The following SHISA9 variants were observed in gnomAD, a reference collection of about 807,000 sequenced individuals.
SHISA9 encodes the protein shisa family member 9.
In SHISA9, 13 loss-of-function variants were observed where a neutral mutation model predicts 38.0. The ratio of observed to expected loss-of-function variants is 0.34; its 90% CI spans 0.22 to 0.54. The LOEUF is 0.54. Ranked by LOEUF, SHISA9 falls within the 20% of genes least tolerant of loss-of-function variation. The pLI, the probability that SHISA9 is intolerant of heterozygous loss-of-function variation, is 0.91. For synonymous variants in SHISA9, 275 were observed against 242.0 expected (o/e 1.14, Z -1.27); for missense variants, 538 against 575.8 (o/e 0.93, Z 0.67).
In SHISA9 at chr16:13,240,148, G is replaced by C. The variant is rs2051422949; in HGVS notation, c.*4739G>C. 2 of 152,168 alleles carry C rather than the reference G, an allele frequency of 1.3e-5. No individual in the cohort carries two copies. The highest frequency in any genetic ancestry group is 2.9e-5 in the Non-Finnish European group (2 of 68,042). The allele number at this position is 152,168 out of a possible 1,614,324, so 9.4% of individuals were successfully genotyped here. A position where few individuals can be genotyped will look rare whatever the true frequency, so the allele number is the denominator to read the frequency against. ...GTGTCTCAGCCTCCATCTGCCTTGGGCTCCGCCTGGCCTCCCCATCTAACT... is the reference window on the plus strand; with the variant it reads ...GTGTCTCAGCCTCCATCTGCCTTGGCCTCCGCCTGGCCTCCCCATCTAACT... On this transcript the variant is annotated 3_prime_UTR_variant, in exon 5 of 5. Transcript: ENST00000558583.
At chr16:13,244,187 C>G (rs1264883474), downstream of SHISA9, among the ~76,000 whole-genome samples, 1 of 152,050 alleles carries the variant, frequency 6.6e-6, no homozygotes, top group Admixed American at 6.6e-5. Context: ...ACTTTAAATG[C>G]ATAAAATAAA....
chr16:13,352,272 A>G, the SHISA9 span, among the ~76,000 whole-genome samples: 1 of 152,230 alleles, frequency 6.6e-6, no homozygotes, highest in Non-Finnish European at 1.5e-5. Flanking sequence ...CTGGAGCAGA[A>G]ATAAAAATTA....
the SHISA9 span, among the ~76,000 whole-genome samples, chr16:13,321,746 A>G: frequency 6.6e-6 from 1 of 152,164 alleles, no homozygotes; most frequent in East Asian, 1.9e-4. Flanking sequence ...TATAGATGGG[A>G]TTTGTCCATT....
chr16:13,103,469 T>A lies in SHISA9; in HGVS notation c.692-99925T>A, dbSNP rs193097394. 1.9e-3 allele frequency among the ~76,000 whole-genome samples: 294 copies of A among 152,310 alleles called. 2 individuals carry two copies. The highest frequency in any genetic ancestry group is 6.8e-3 in the African/African-American group (284 of 41,566). ...GGTGAGTGGAAAGACCAGGGGCTAA[T>A]GAATGGGAAGAAAGCCAGGGACACA... On this transcript the variant is annotated intron_variant, in intron 2 of 4. Transcript: ENST00000558583.
At chr16:13,273,551 T>G in the SHISA9 span, among the ~76,000 whole-genome samples, 4 of 152,188 alleles carry the variant, frequency 2.6e-5, no homozygotes, top group Non-Finnish European at 4.4e-5. Context: ...CTGCCATGAT[T>G]TTGAGGCCTC....
chr16:12,966,966 TG>T (rs1452928544), intron 2 of SHISA9, among the ~76,000 whole-genome samples: 1 of 152,172 alleles, frequency 6.6e-6, no homozygotes, highest in Non-Finnish European at 1.5e-5. Flanking sequence ...TGCCAGGACT[TG>T]TGATGATCTC....
At chr16:12,972,442 G>A (rs1288029758) in intron 2 of SHISA9, among the ~76,000 whole-genome samples, 1 of 152,164 alleles carries the variant, frequency 6.6e-6, no homozygotes. Context: ...GAGCAAGGAT[G>A]AGAGTGATAT....
the SHISA9 span, among the ~76,000 whole-genome samples, chr16:13,292,549 T>TTC: frequency 1.4e-4 from 22 of 152,166 alleles, no homozygotes; most frequent in Non-Finnish European, 7.4e-5. Context: ...GTGTACTGAT[T>TTC]TCTCTCTCTC....
At chr16:13,031,545 T>C (rs1292064593) in intron 2 of SHISA9, among the ~76,000 whole-genome samples, 1 of 152,112 alleles carries the variant, frequency 6.6e-6, no homozygotes, top group Non-Finnish European at 1.5e-5. Context: ...GTAAGGCAAT[T>C]TATACACATA....
At chr16:13,362,273 C>A in the SHISA9 span, among the ~76,000 whole-genome samples, 3 of 147,546 alleles carry the variant, frequency 2.0e-5, no homozygotes, top group South Asian at 4.4e-4. Context: ...AAAAACCCCA[C>A]AAAAAACAAA....
intron 4 of SHISA9, among the ~76,000 whole-genome samples, chr16:13,233,900 C>T (rs181718721): frequency 0.012 from 1,890 of 152,096 alleles, 19 homozygotes; most frequent in Non-Finnish European, 0.02. Context: ...CCTGTGGTCC[C>T]AGCTACTCAG....
At chr16:13,322,457 T>C in the SHISA9 span, among the ~76,000 whole-genome samples, 2 of 152,206 alleles carry the variant, frequency 1.3e-5, no homozygotes, top group Non-Finnish European at 2.9e-5. Context: ...CAGAGCCAGT[T>C]AGAGCCCTCT....
At chr16:13,416,458 C>T in the SHISA9 span, among the ~76,000 whole-genome samples, 16 of 152,296 alleles carry the variant, frequency 1.1e-4, no homozygotes, top group African/African-American at 3.8e-4. Flanking sequence ...TTTTAACCAT[C>T]ATATGACACC....
chr16:13,258,926 C>G, the SHISA9 span, among the ~76,000 whole-genome samples: 2 of 152,152 alleles, frequency 1.3e-5, no homozygotes, highest in Non-Finnish European at 2.9e-5. Flanking sequence ...TGGCCCCTCC[C>G]AATCTCATGT....
At chr16:13,137,829 C>T (rs1042688768) in intron 2 of SHISA9, among the ~76,000 whole-genome samples, 1 of 152,206 alleles carries the variant, frequency 6.6e-6, no homozygotes, top group South Asian at 2.1e-4. Flanking sequence ...ATTCCTGGGC[C>T]CCAGTTCATT....
chr16:13,548,073 C>T, the SHISA9 span, among the ~76,000 whole-genome samples: 56,732 of 151,838 alleles, frequency 0.37, 11,213 homozygotes, highest in East Asian at 0.63. Flanking sequence ...GCACTTAAAG[C>T]CAGCCAATTT....
At chr16:13,309,935 TG>T in the SHISA9 span, among the ~76,000 whole-genome samples, 1 of 152,208 alleles carries the variant, frequency 6.6e-6, no homozygotes, top group Non-Finnish European at 1.5e-5. Context: ...TTGCCCAGGC[TG>T]GAGTGCAATG....
chr16:13,146,541 T>G (rs915826631), intron 2 of SHISA9, among the ~76,000 whole-genome samples: 2 of 152,182 alleles, frequency 1.3e-5, no homozygotes, highest in Non-Finnish European at 2.9e-5. Flanking sequence ...TGTACTCTTT[T>G]TGTTATTTGA....
the SHISA9 span, among the ~76,000 whole-genome samples, chr16:13,508,531 G>C: frequency 6.6e-6 from 1 of 152,022 alleles, no homozygotes; most frequent in Non-Finnish European, 1.5e-5. Flanking sequence ...ATCTTTCCAG[G>C]GTGGGGTGGG....
Sources: gnomAD v4.1 joint callset for allele counts (sites outside exome capture counted in the v4.1 genomes callset) on GRCh38, gnomAD v4.1.1 for gene constraint, MANE v1.5 for transcripts, NCBI Gene and HGNC (gene_info 2026-07-23, HGNC 2026-07-21) for gene names.